GPM6A: variants seen among roughly 807,000 people sequenced by gnomAD.
GPM6A encodes the protein neuronal membrane glycoprotein M6-a.
In GPM6A, 7 loss-of-function variants were observed where a neutral mutation model predicts 32.1. The observed-to-expected ratio is 0.22, with a 90% CI of 0.12 to 0.41. The LOEUF (loss-of-function observed/expected upper bound fraction) is 0.41. GPM6A is among the 10% of genes least tolerant of loss of function. The pLI is 1.00. For synonymous variants in GPM6A, 130 were observed against 123.4 expected (o/e 1.05, Z -0.35); for missense variants, 235 against 347.2 (o/e 0.68, Z 2.57).
intron 1 of GPM6A, among the ~76,000 whole-genome samples, chr4:175,910,875 T>G (rs1217485852): frequency 1.3e-5 from 2 of 152,186 alleles, no homozygotes; most frequent in African/African-American, 4.8e-5. Flanking sequence ...AGCAGCCATA[T>G]GCAATCCATA....
chr4:175,959,351 C>T (rs932923995), intron 1 of GPM6A, among the ~76,000 whole-genome samples: 2 of 152,088 alleles, frequency 1.3e-5, no homozygotes, highest in Non-Finnish European at 2.9e-5. Flanking sequence ...GATTCAGGTA[C>T]TGCACATGAT....
intron 1 of GPM6A, among the ~76,000 whole-genome samples, chr4:175,797,171 C>G (rs775200070): frequency 6.6e-6 from 1 of 152,094 alleles, no homozygotes; most frequent in African/African-American, 2.4e-5. Flanking sequence ...ATACATAATT[C>G]AACAGCACAT....
At chr4:175,752,315 C>T (rs776568436) in intron 1 of GPM6A, among the ~76,000 whole-genome samples, 25 of 152,112 alleles carry the variant, frequency 1.6e-4, no homozygotes, top group Non-Finnish European at 3.5e-4. Context: ...TCCTGTGACC[C>T]TGATGTTATA....
chr4:175,790,701 G>A (rs950788849), intron 1 of GPM6A, among the ~76,000 whole-genome samples: 31 of 152,232 alleles, frequency 2.0e-4, no homozygotes, highest in African/African-American at 7.0e-4. Context: ...AGGGAAAGTT[G>A]TATATCCTTT....
At chr4:175,636,173 A>G (rs1250774220) in intron 6 of GPM6A, among the ~76,000 whole-genome samples, 2 of 149,782 alleles carry the variant, frequency 1.3e-5, no homozygotes, top group East Asian at 3.9e-4. Context: ...CATTTTGTTT[A>G]AGGAATATTG....
chr4:175,790,176 A>G (rs976451950), intron 1 of GPM6A: 7 of 152,144 alleles, frequency 4.6e-5, no homozygotes, highest in Admixed American at 2.0e-4. Flanking sequence ...ATTTGCCATT[A>G]TCTACACAGT....
chr4:175,935,705 A>C (rs1156955902), intron 1 of GPM6A, among the ~76,000 whole-genome samples: 1 of 152,164 alleles, frequency 6.6e-6, no homozygotes, highest in Non-Finnish European at 1.5e-5. Flanking sequence ...CATTAATATA[A>C]AGATATCAGT....
intron 3 of GPM6A, among the ~76,000 whole-genome samples, chr4:175,672,548 AT>A (rs1394624508): frequency 1.3e-5 from 2 of 152,206 alleles, no homozygotes; most frequent in Non-Finnish European, 2.9e-5. Context: ...AATTAGTCAT[AT>A]TTTATTTTTT....
chr4:175,782,056 A>G (rs1733633347), intron 1 of GPM6A, among the ~76,000 whole-genome samples: 1 of 152,286 alleles, frequency 6.6e-6, no homozygotes, highest in East Asian at 1.9e-4. Flanking sequence ...TGTCTATCTC[A>G]TTGGATTCTT....
At chr4:175,809,520 C>G (rs1489111412) in intron 1 of GPM6A, among the ~76,000 whole-genome samples, 1 of 151,822 alleles carries the variant, frequency 6.6e-6, no homozygotes, top group African/African-American at 2.4e-5. Flanking sequence ...TAATGAGATA[C>G]TCACTTTTGG....
intron 1 of GPM6A, among the ~76,000 whole-genome samples, chr4:175,974,229 CTAAA>C (rs562981021): frequency 1.3e-5 from 2 of 151,942 alleles, no homozygotes; most frequent in Non-Finnish European, 2.9e-5. Flanking sequence ...GACTTTGTCT[CTAAA>C]TAAATAAATA....
intron 1 of GPM6A, among the ~76,000 whole-genome samples, chr4:175,848,609 T>A (rs1199083385): frequency 6.6e-6 from 1 of 152,194 alleles, no homozygotes; most frequent in Non-Finnish European, 1.5e-5. Flanking sequence ...TACCTTGCAC[T>A]AACTGGTAAT....
chr4:175,858,082 T>A (rs1186130014), intron 1 of GPM6A, among the ~76,000 whole-genome samples: 1 of 151,944 alleles, frequency 6.6e-6, no homozygotes, highest in Non-Finnish European at 1.5e-5. Flanking sequence ...ACTGGAGAGG[T>A]AGGCTATGTA....
At position 175,651,826 on chromosome 4, in the gene GPM6A, C is replaced by T. The variant is rs746992386; in HGVS notation, c.541+8G>A. The T allele has an allele frequency of 2.5e-6, 4 of 1,608,804 alleles. No homozygotes were observed. In the South Asian group the frequency reaches 4.4e-5, roughly 18 times the overall value. ...GTTTTACAGTTTAGAGATCCAATAT[C>T]CACTTACCAAACTGACGAAGGTCCA... On this transcript the variant is annotated splice_region_variant and intron_variant, in intron 4 of 6. Coordinates refer to ENST00000393658, the MANE Select transcript of GPM6A (RefSeq NM_201591.3).
intron 1 of GPM6A, among the ~76,000 whole-genome samples, chr4:175,984,356 G>A (rs1314054139): frequency 6.6e-6 from 1 of 151,990 alleles, no homozygotes; most frequent in Non-Finnish European, 1.5e-5. Context: ...GTAGAGACGA[G>A]GTTTCACCGT....
intron 2 of GPM6A, among the ~76,000 whole-genome samples, chr4:175,686,858 A>G (rs1352865792): frequency 1.3e-5 from 2 of 152,360 alleles, no homozygotes; most frequent in East Asian, 1.9e-4. Flanking sequence ...GTATGCTACA[A>G]GTCATTTATT....
intron 1 of GPM6A, among the ~76,000 whole-genome samples, chr4:175,771,972 G>A (rs2111234037): frequency 6.6e-6 from 1 of 152,276 alleles, no homozygotes; most frequent in Admixed American, 6.5e-5. Flanking sequence ...GATACGAGAG[G>A]CCAACAGACT....
intron 1 of GPM6A, among the ~76,000 whole-genome samples, chr4:175,956,157 T>A (rs1295216349): frequency 1.3e-5 from 2 of 152,182 alleles, no homozygotes; most frequent in African/African-American, 2.4e-5. Context: ...ATATTGGTCA[T>A]CAAAATTTAA....
intron 4 of GPM6A, among the ~76,000 whole-genome samples, chr4:175,651,460 T>G (rs1187717258): frequency 6.6e-6 from 1 of 152,146 alleles, no homozygotes. Flanking sequence ...TGATCTTTAT[T>G]GTAGACTTGA....
Sources: allele counts gnomAD v4.1 joint callset (sites outside exome capture counted in the v4.1 genomes callset), GRCh38; gene constraint gnomAD v4.1.1; transcripts MANE v1.5; gene names NCBI Gene and HGNC (gene_info 2026-07-23, HGNC 2026-07-21).